AP3S1: variants seen among roughly 807,000 people sequenced by gnomAD.
AP3S1 encodes the protein adaptor related protein complex 3 subunit sigma 1.
In AP3S1, 12 loss-of-function variants were observed where a neutral mutation model predicts 21.3. The observed-to-expected ratio is 0.56, with a 90% CI of 0.36 to 0.91. The LOEUF (loss-of-function observed/expected upper bound fraction) is 0.91, where lower values mean the gene tolerates loss of function less well. Among genes scored for constraint, AP3S1 ranks in the 40% least tolerant of loss-of-function variants. AP3S1 has a pLI of 0.01. For synonymous variants in AP3S1, 48 were observed against 78.4 expected (o/e 0.61, Z 2.05); for missense variants, 116 against 225.0 (o/e 0.52, Z 3.10).
At chr5:115,912,944 A>G (rs1236508107) in intron 5 of AP3S1, among the ~76,000 whole-genome samples, 1 of 152,122 alleles carries the variant, frequency 6.6e-6, no homozygotes, top group Non-Finnish European at 1.5e-5. Flanking sequence ...TTCACAGCAC[A>G]TATTGCTAAT....
At chr5:115,911,456 T>C (rs1752103636) in intron 5 of AP3S1, among the ~76,000 whole-genome samples, 2 of 151,330 alleles carry the variant, frequency 1.3e-5, no homozygotes, top group African/African-American at 4.9e-5. Context: ...TCATTATTTG[T>C]CTTCTTTATG....
intron 4 of AP3S1, among the ~76,000 whole-genome samples, chr5:115,900,395 T>G (rs909667683): frequency 1.3e-5 from 2 of 152,266 alleles, no homozygotes; most frequent in Non-Finnish European, 2.9e-5. Flanking sequence ...CAGATTATCT[T>G]TGCTAGTTCA....
intron 1 of AP3S1, among the ~76,000 whole-genome samples, chr5:115,846,385 CTGTG>C (rs1281050009): frequency 1.3e-5 from 2 of 152,140 alleles, no homozygotes; most frequent in Admixed American, 6.5e-5. Flanking sequence ...ATATAAAATA[CTGTG>C]TGTATGTATG....
intron 2 of AP3S1, 103 bp from the exon 3 acceptor site, chr5:115,869,914 T>C: frequency 1.5e-6 from 1 of 648,270 alleles, no homozygotes; most frequent in Non-Finnish European, 2.5e-6. Flanking sequence ...AATGTCACCT[T>C]TCATTTGACA....
Position 115,908,881 on chromosome 5 carries a change from A to G in AP3S1, c.454-4481A>G, listed in dbSNP as rs999951599. On this transcript the variant is annotated intron_variant, in intron 5 of 5. Transcript: ENST00000316788. ...GACATTTTCTTTTTTGCTCAAAAAC[A>G]TGCTTTCAAAATCTGCCATTATTTT... The G allele has an allele frequency of 4.8e-6, 3 of 627,708 alleles. No homozygotes were observed. In the Admixed American group the frequency reaches 1.9e-4, roughly 40 times the overall value. The allele number at this position is 627,708 out of a possible 1,614,324, so 38.9% of individuals were successfully genotyped here.
intron 3 of AP3S1, among the ~76,000 whole-genome samples, chr5:115,879,621 C>T (rs373243830): frequency 2.0e-5 from 3 of 152,086 alleles, no homozygotes; most frequent in Non-Finnish European, 2.9e-5. Context: ...TGAGGATTTT[C>T]GCATCAATGT....
chr5:115,905,909 CT>C (rs1246373587), intron 5 of AP3S1, among the ~76,000 whole-genome samples: 5 of 152,196 alleles, frequency 3.3e-5, no homozygotes, highest in African/African-American at 1.2e-4. Context: ...AATCCCAGCA[CT>C]TTGGGATCAC....
At chr5:115,912,698 C>T (rs746757764) in intron 5 of AP3S1, among the ~76,000 whole-genome samples, 1 of 151,908 alleles carries the variant, frequency 6.6e-6, no homozygotes, top group East Asian at 1.9e-4. Context: ...TATATTTTTA[C>T]TAATGCATCA....
intron 3 of AP3S1, among the ~76,000 whole-genome samples, chr5:115,884,706 A>G (rs1368667651): frequency 6.6e-6 from 1 of 152,262 alleles, no homozygotes; most frequent in African/African-American, 2.4e-5. Context: ...TATCAACTAT[A>G]CAGAGTCTTT....
At chr5:115,868,487 GATC>G (rs774885378) in intron 2 of AP3S1, among the ~76,000 whole-genome samples, 171 of 152,194 alleles carry the variant, frequency 1.1e-3, no homozygotes, top group Middle Eastern at 3.4e-3. Flanking sequence ...TCTTGTCAAA[GATC>G]ATTTCTCCTT....
At position 115,882,909 on chromosome 5, in the gene AP3S1, T is replaced by A. The variant is rs369627855; in HGVS notation, c.274-12178T>A. Among the ~76,000 whole-genome samples, 15 of 151,814 alleles carry A rather than the reference T, an allele frequency of 9.9e-5. 1 individual carries two copies. The highest frequency in any genetic ancestry group is 7.2e-4 in the Admixed American group (11 of 15,262). On this transcript the variant is annotated intron_variant, in intron 3 of 5. Coordinates refer to ENST00000316788, the MANE Select transcript of AP3S1 (RefSeq NM_001284.4). ...CAGAGATGCCCTGCTCAGAGAGGAG[T>A]AATCTAGAGAGGCAGTCTGGCCACA...
At chr5:115,880,011 T>A (rs1363734833) in intron 3 of AP3S1, among the ~76,000 whole-genome samples, 1 of 152,226 alleles carries the variant, frequency 6.6e-6, no homozygotes, top group Non-Finnish European at 1.5e-5. Context: ...TTTATAGTAT[T>A]CTCTGATGGT....
rs141174710 is a variant in AP3S1 at position 115,893,686 on chromosome 5, C to G, written c.274-1401C>G. 4.5e-3 allele frequency among the ~76,000 whole-genome samples: 691 copies of G among 152,238 alleles called. 1 individual carries two copies. The highest frequency in any genetic ancestry group is 0.016 in the African/African-American group (672 of 41,548). ...CATAGGAGCAACTATAGCAAGAAGC[C>G]TCTTGTTTACATTTTACCCCTTTCC... On this transcript the variant is annotated intron_variant, in intron 3 of 5. Transcript: ENST00000316788.
At chr5:115,908,862 T>G (rs1220358862) in intron 5 of AP3S1, 3 of 449,118 alleles carry the variant, frequency 6.7e-6, no homozygotes, top group Non-Finnish European at 8.8e-6. Flanking sequence ...TATTGACATT[T>G]TCTTTTTTGC....
intron 5 of AP3S1, chr5:115,907,112 T>C: frequency 1.5e-6 from 1 of 650,822 alleles, no homozygotes. Context: ...AAGGAAAGTT[T>C]AAATTTTTTT....
At chr5:115,902,344 C>T (rs1751287401) in intron 4 of AP3S1, among the ~76,000 whole-genome samples, 1 of 152,080 alleles carries the variant, frequency 6.6e-6, no homozygotes, top group South Asian at 2.1e-4. Context: ...CTGAATATTA[C>T]ATGTGTAGAG....
chr5:115,906,744 T>C, intron 5 of AP3S1: 1 of 1,145,412 alleles, frequency 8.7e-7, no homozygotes. Flanking sequence ...ATTTAGTCAC[T>C]ACTTTTTGAA....
intron 1 of AP3S1, among the ~76,000 whole-genome samples, chr5:115,856,110 T>A (rs1762781533): frequency 6.6e-6 from 1 of 152,220 alleles, no homozygotes; most frequent in East Asian, 1.9e-4. Flanking sequence ...TGTGACCAAC[T>A]GAAATATAGC....
chr5:115,900,070 G>C (rs953453279), intron 4 of AP3S1, among the ~76,000 whole-genome samples: 1 of 151,846 alleles, frequency 6.6e-6, no homozygotes. Context: ...AAAAGAGAAA[G>C]TATAATTAAA....
Sources: gnomAD v4.1 joint callset for allele counts (sites outside exome capture counted in the v4.1 genomes callset) on GRCh38, gnomAD v4.1.1 for gene constraint, MANE v1.5 for transcripts, NCBI Gene and HGNC (gene_info 2026-07-23, HGNC 2026-07-21) for gene names.